ITSN1: variants seen among roughly 807,000 people sequenced by gnomAD.
ITSN1 encodes intersectin-1.
A neutral mutation model predicts 239.8 loss-of-function variants in ITSN1; 58 were observed. The ratio of observed to expected loss-of-function variants is 0.24; its 90% CI spans 0.20 to 0.30. The LOEUF is 0.30. Ranked by LOEUF, ITSN1 falls within the 10% of genes least tolerant of loss-of-function variation. The pLI is 1.00. For synonymous variants in ITSN1, 780 were observed against 770.8 expected, an observed-to-expected ratio of 1.01 and a Z score of -0.20; for missense variants, 1,558 against 2,103.3, an observed-to-expected ratio of 0.74 and a Z score of 5.07.
chr21:33,825,700 C>G (rs1005792608), intron 25 of ITSN1, among the ~76,000 whole-genome samples: 4 of 152,184 alleles, frequency 2.6e-5, no homozygotes, highest in Non-Finnish European at 5.9e-5. Flanking sequence ...GGAAAGTTAA[C>G]TGGTCACTGG....
chr21:33,798,908 C>T (rs2071765122), intron 18 of ITSN1, among the ~76,000 whole-genome samples: 1 of 152,042 alleles, frequency 6.6e-6, no homozygotes, highest in Non-Finnish European at 1.5e-5. Flanking sequence ...AAAATAATTT[C>T]ACCATTGATC....
At chr21:33,673,020 A>G (rs528681705) in intron 1 of ITSN1, among the ~76,000 whole-genome samples, 2 of 152,312 alleles carry the variant, frequency 1.3e-5, no homozygotes, top group South Asian at 2.1e-4. Context: ...AAACGATTTA[A>G]TAAGTGTCTG....
chr21:33,782,231 T>A, intron 16 of ITSN1, 98 bp downstream of exon 16: 1 of 1,165,168 alleles, frequency 8.6e-7, no homozygotes, highest in Admixed American at 2.1e-5. Context: ...GAAAAATTTA[T>A]TATGCCATTG....
intron 5 of ITSN1, among the ~76,000 whole-genome samples, chr21:33,745,839 G>A (rs2067147859): frequency 6.6e-6 from 1 of 152,152 alleles, no homozygotes; most frequent in Non-Finnish European, 1.5e-5. Context: ...CGGAGACCAG[G>A]GTGGGCCCGA....
At position 33,888,942 on chromosome 21, in the gene ITSN1, C is replaced by T. The variant is rs1466584949; in HGVS notation, c.*642C>T. On this transcript the variant is annotated 3_prime_UTR_variant, in exon 40 of 40. Transcript: ENST00000381318. ...TATAGCCGTTCCTTCCCCCTCTAGG[C>T]CTTGTATTAATATATGTCAATGAAA... is the stretch of plus-strand genomic sequence containing the variant. The T allele has an allele frequency of 6.6e-6, 1 of 152,196 alleles. No individual in the cohort carries two copies. The highest frequency in any genetic ancestry group is 2.4e-5 in the African/African-American group (1 of 41,426). 9.4% of individuals were successfully genotyped at this position (152,196 alleles called of 1,614,324 possible). A position where few individuals can be genotyped will look rare whatever the true frequency, so the allele number is the denominator to read the frequency against.
chr21:33,697,309 T>G (rs1188920196), intron 1 of ITSN1, among the ~76,000 whole-genome samples: 1 of 147,678 alleles, frequency 6.8e-6, no homozygotes, highest in Non-Finnish European at 1.5e-5. Context: ...CTCAAACTCC[T>G]AACCTCAGGT....
At chr21:33,754,207 A>G (rs2067762259) in intron 7 of ITSN1, 1 of 152,202 alleles carries the variant, frequency 6.6e-6, no homozygotes, top group South Asian at 2.1e-4. Flanking sequence ...AAGTACCCAC[A>G]GCAGAATAGA....
Position 33,882,100 on chromosome 21 carries a change from G to C in ITSN1, c.4342-143G>C, listed in dbSNP as rs1411032000. 1 of 663,426 alleles carries C rather than the reference G, an allele frequency of 1.5e-6. No individual in the cohort carries two copies. Among genetic ancestry groups the C allele is most frequent in the African/African-American group, 1.8e-5 (1 of 54,910 alleles). 41.1% of individuals were successfully genotyped at this position (663,426 alleles called of 1,614,324 possible). A position where few individuals can be genotyped will look rare whatever the true frequency, so the allele number is the denominator to read the frequency against. ...GCCTTTGTCTGACTTTGATCTCTTG[G>C]CTCCAAAGTCTTCAAAGCTATCCTT... On this transcript the variant is annotated intron_variant, in intron 34 of 39. Transcript: ENST00000381318. The surrounding 1 kb of genome is among the most constrained non-coding windows in gnomAD (Gnocchi z 4.5).
At chr21:33,669,534 G>A (rs1183015517) in intron 1 of ITSN1, among the ~76,000 whole-genome samples, 1 of 151,982 alleles carries the variant, frequency 6.6e-6, no homozygotes, top group Non-Finnish European at 1.5e-5. Context: ...CCGCCTCCCG[G>A]GTTCAAGCAA....
intron 1 of ITSN1, among the ~76,000 whole-genome samples, chr21:33,657,792 C>T (rs947182193): frequency 9.9e-5 from 15 of 152,126 alleles, no homozygotes; most frequent in African/African-American, 3.6e-4. Context: ...TTGAGACCAT[C>T]CAAGCAACAA....
Position 33,862,689 on chromosome 21 carries a change from G to A in ITSN1, c.3891-2462G>A, listed in dbSNP as rs1028859743. ...GCGGGAGGTGGGTTGGGGCCTCTGA[G>A]GCTGTGGTCCCAACCATGGGCTCTG... is the stretch of plus-strand genomic sequence containing the variant. On this transcript the variant is annotated intron_variant, in intron 31 of 39. Transcript: ENST00000381318. Among the ~76,000 whole-genome samples, 3 of 152,198 alleles carry A rather than the reference G, an allele frequency of 2.0e-5. No individual in the cohort carries two copies. The South Asian group carries it at 6.2e-4, about 32-fold the overall frequency.
chr21:33,835,440 G>A (rs1052548876), intron 28 of ITSN1, among the ~76,000 whole-genome samples: 1 of 152,160 alleles, frequency 6.6e-6, no homozygotes, highest in Non-Finnish European at 1.5e-5. Flanking sequence ...TTAATAGGTT[G>A]GTTAAGAAAG....
chr21:33,727,607 CAAA>C (rs201596116), intron 4 of ITSN1, among the ~76,000 whole-genome samples: 1,056 of 69,748 alleles, frequency 0.015, 17 homozygotes, highest in African/African-American at 0.046. Flanking sequence ...TAAACTCATA[CAAA>C]AAAAAAAAAA....
chr21:33,676,087 T>G (rs1394362546), intron 1 of ITSN1, among the ~76,000 whole-genome samples: 2 of 151,732 alleles, frequency 1.3e-5, no homozygotes, highest in African/African-American at 4.8e-5. Flanking sequence ...CAGGCTGGAG[T>G]GCAGTGGCAC....
intron 1 of ITSN1, among the ~76,000 whole-genome samples, chr21:33,710,204 G>A (rs771201370): frequency 2.0e-5 from 3 of 150,900 alleles, no homozygotes; most frequent in African/African-American, 2.4e-5. Context: ...TCAGCTTCCC[G>A]AGTAGCTGGG....
rs1555958907 is a variant in ITSN1, at chr21:33,851,798, T to TTC, written c.3662-4938_3662-4937insTC. On this transcript the variant is annotated intron_variant, in intron 29 of 39. Coordinates refer to ENST00000381318, the MANE Select transcript of ITSN1 (RefSeq NM_003024.3). ...CTTTCCTTTTTTTTTTTTTTTTTTTTCCTGAGACAGGTGCTCGCTCTGTTG... is the reference window on the plus strand; with the variant it reads ...CTTTCCTTTTTTTTTTTTTTTTTTTTTCCCTGAGACAGGTGCTCGCTCTGTTG... Among the ~76,000 whole-genome samples, 48 of 138,188 alleles carry TTC rather than the reference T, an allele frequency of 3.5e-4. 2 individuals are homozygous for TTC. Among genetic ancestry groups the TTC allele is most frequent in the African/African-American group, 1.2e-3 (43 of 36,416 alleles). 90.7% of individuals were successfully genotyped at this position (138,188 alleles called of 152,430 possible).
chr21:33,678,823 C>T (rs2090756499), intron 1 of ITSN1, among the ~76,000 whole-genome samples: 1 of 152,176 alleles, frequency 6.6e-6, no homozygotes, highest in Middle Eastern at 3.2e-3. Context: ...AAGCGATTCT[C>T]CTGCCTCAGC....
chr21:33,865,398 T>A lies in ITSN1; in HGVS notation c.4074+64T>A. 1 of 1,303,180 alleles carries A rather than the reference T, an allele frequency of 7.7e-7. No homozygotes were observed. The highest frequency in any genetic ancestry group is 1.0e-6 in the Non-Finnish European group (1 of 959,740). The allele number at this position is 1,303,180 out of a possible 1,614,324, so 80.7% of individuals were successfully genotyped here. A position where few individuals can be genotyped will look rare whatever the true frequency, so the allele number is the denominator to read the frequency against. ...GGCGATCTTTGGGCAGCTGGATGTG[T>A]GAGGGGCTAATTCAAAAGTCTGCAA... is the stretch of plus-strand genomic sequence containing the variant. On this transcript the variant is annotated intron_variant, in intron 32 of 39. Transcript: ENST00000381318. This position sits in a 1 kb window ranked among gnomAD's most constrained non-coding sequence, Gnocchi z 4.4.
Position 33,838,260 on chromosome 21 carries a change from C to T in ITSN1, c.3661+1628C>T, listed in dbSNP as rs540803261. On this transcript the variant is annotated intron_variant, in intron 29 of 39. Transcript: ENST00000381318. ...CCTCCTAAAGACTCTGTAATGCTCA[C>T]TCCCCTCGCGTTCTCCCGGCGCTGT... 5.1e-6 allele frequency: 5 copies of T among 985,406 alleles called. No individual in the cohort carries two copies. In the East Asian group the frequency reaches 4.5e-4, roughly 90 times the overall value. 61.0% of individuals were successfully genotyped at this position (985,406 alleles called of 1,614,324 possible).
Sources: allele counts gnomAD v4.1 joint callset (sites outside exome capture counted in the v4.1 genomes callset), GRCh38; gene constraint gnomAD v4.1.1; non-coding constraint Gnocchi (gnomAD v3.1); transcripts MANE v1.5; gene names NCBI Gene and HGNC (gene_info 2026-07-23, HGNC 2026-07-21).